The following STBD1 variants were observed in gnomAD, a reference collection of about 807,000 sequenced individuals.
STBD1 encodes the protein starch binding domain 1.
A neutral mutation model predicts 10.5 loss-of-function variants in STBD1; 13 were observed. The ratio of observed to expected loss-of-function variants is 1.24; its 90% CI spans 0.81 to 1.97. STBD1 has a LOEUF of 1.97. Among genes scored for constraint, STBD1 ranks in the 30% most tolerant of loss-of-function variants. The probability of loss-of-function intolerance (pLI) is 0.00; values close to 1 mark genes in which losing one functional copy is unlikely to be tolerated. For synonymous variants in STBD1, 146 were observed against 160.2 expected, an observed-to-expected ratio of 0.91 and a Z score of 0.67; for missense variants, 427 against 435.6, an observed-to-expected ratio of 0.98 and a Z score of 0.17.
Position 76,309,467 on chromosome 4 carries a change from A to G in STBD1, c.544A>G (p.Arg182Gly), listed in dbSNP as rs146935160. The change falls in exon 2 of 2, where the codon AGA becomes GGA. Residue 182 changes from arginine to glycine, a missense_variant. Arg to Gly is a moderately radical substitution (Grantham distance 125). Transcript: ENST00000237642. ...KLPSSNLLKN[R>G]AKEEMSLSDL... ...GCCTTCTAGCAACCTGCTCAAGAAC[A>G]GAGCTAAAGAAGAAATGAGCCTCTC... 47 of 1,614,276 alleles carry G rather than the reference A, an allele frequency of 2.9e-5. No individual in the cohort carries two copies. Among genetic ancestry groups the G allele is most frequent in the Non-Finnish European group, 3.8e-5 (45 of 1,180,048 alleles).
Position 76,310,018 on chromosome 4 carries a change from T to C in STBD1, c.*18T>C. On this transcript the variant is annotated 3_prime_UTR_variant, in exon 2 of 2. Transcript: ENST00000237642. ...TTCACTGATTCAGTTTGCAAAGTAA[T>C]GGAGAAGCTGTAGAACAATGTGGAA... The C allele has an allele frequency of 1.9e-6, 3 of 1,595,914 alleles. No individual in the cohort carries two copies. The highest frequency in any genetic ancestry group is 2.6e-6 in the Non-Finnish European group (3 of 1,173,314).
chr4:76,311,110 A>G lies in STBD1; in HGVS notation c.*1110A>G, dbSNP rs2110044838. 1 of 152,348 alleles carries G rather than the reference A, an allele frequency of 6.6e-6. No homozygotes were observed. Among genetic ancestry groups the G allele is most frequent in the East Asian group, 1.9e-4 (1 of 5,190 alleles). The allele number at this position is 152,348 out of a possible 1,614,324, so 9.4% of individuals were successfully genotyped here. A position where few individuals can be genotyped will look rare whatever the true frequency, so the allele number is the denominator to read the frequency against. The stretch of plus-strand genomic sequence containing the variant: ...TTATTATAACTGAACAAATAATAAA[A>G]CCTGAATTTTAATATCTTCATTTGA... On this transcript the variant is annotated 3_prime_UTR_variant, in exon 2 of 2. Coordinates refer to ENST00000237642, the MANE Select transcript of STBD1 (RefSeq NM_003943.5).
At position 76,310,145 on chromosome 4, in the gene STBD1, G is replaced by T. The variant is rs1036156394; in HGVS notation, c.*145G>T. On this transcript the variant is annotated 3_prime_UTR_variant, in exon 2 of 2. Coordinates refer to ENST00000237642, the MANE Select transcript of STBD1 (RefSeq NM_003943.5). Reference sequence around the variant, plus strand: ...TTTGCTAGTGGATTTTGTCTAATGTGCAGAAATATATATGTCTAATGTGCA... The same window carrying T: ...TTTGCTAGTGGATTTTGTCTAATGTTCAGAAATATATATGTCTAATGTGCA... 1.0e-6 allele frequency: 1 copy of T among 977,154 alleles called. No individual in the cohort carries two copies. The highest frequency in any genetic ancestry group is 1.5e-6 in the Non-Finnish European group (1 of 664,106). 60.5% of individuals were successfully genotyped at this position (977,154 alleles called of 1,614,324 possible).
At position 76,306,779 on chromosome 4, in the gene STBD1, G is replaced by A. The variant is rs748442882; in HGVS notation, c.10G>A (p.Val4Ile). 3.1e-6 allele frequency: 5 copies of A among 1,611,422 alleles called. No individual in the cohort carries two copies. Among genetic ancestry groups the A allele is most frequent in the Admixed American group, 1.7e-5 (1 of 59,952 alleles). MGA[V>I]WSALLVGGGL... ...CCGCGGCCTCTCAGCCATGGGCGCC[G>A]TCTGGTCCGCCCTGCTGGTTGGAGG... Residue 4 changes from valine (V) to isoleucine (I), a missense_variant, in exon 1 of 2, where the codon GTC (valine) becomes ATC (isoleucine). Physicochemically the swap from Val to Ile is conservative, Grantham distance 29. Transcript: ENST00000237642.
rs759385566 is a variant in STBD1, at chr4:76,309,991, G to A, written c.1068G>A (p.Gly356=). The part of the protein sequence containing the change: ...HEDKVVHAWW[G]IH ...ATAAAGTGGTTCACGCATGGTGGGGGATTCACTGATTCAGTTTGCAAAGTA... is the reference window on the plus strand; with the variant it reads ...ATAAAGTGGTTCACGCATGGTGGGGAATTCACTGATTCAGTTTGCAAAGTA... Residue 356 remains glycine (G), a synonymous_variant, in exon 2 of 2, where the codon GGG becomes GGA. Transcript: ENST00000237642. 1.9e-6 allele frequency: 3 copies of A among 1,608,058 alleles called. No homozygotes were observed. The South Asian group carries it at 3.3e-5, about 18-fold the overall frequency.
chr4:76,309,396 G>A lies in STBD1; in HGVS notation c.473G>A (p.Gly158Glu). The change falls in exon 2 of 2, where the codon GGA (glycine) becomes GAA (glutamate). Residue 158 changes from glycine (G) to glutamate (E), a missense_variant. Physicochemically the swap from Gly to Glu is moderately conservative, Grantham distance 98. Transcript: ENST00000237642. ...ATGGGAGAATGGGGATTCCAAAAAGGACAAGAGATATCTGCTAAAGCAGCT... is the reference window on the plus strand; with the variant it reads ...ATGGGAGAATGGGGATTCCAAAAAGAACAAGAGATATCTGCTAAAGCAGCT... ...SPMGEWGFQK[G>E]QEISAKAATC... 1.2e-6 allele frequency: 2 copies of A among 1,613,980 alleles called. No homozygotes were observed. The highest frequency in any genetic ancestry group is 2.7e-5 in the African/African-American group (2 of 75,030).
Position 76,309,629 on chromosome 4 carries a change from AG to A in STBD1, c.707del (p.Arg236LysfsTer19), listed in dbSNP as rs756054965. ...CCTAAACCAGGGAATGGACAATGGA[AG>A]AAGCACTTTGGTGGAAGCAAGAGGT... ...LNLNQGMDNGRSTLVEARGQQ... is the reference protein window; with the variant it reads ...LNLNQGMDNGXSTLVEARGQQ... On this transcript the variant is annotated frameshift_variant, in exon 2 of 2. Coordinates refer to ENST00000237642, the MANE Select transcript of STBD1 (RefSeq NM_003943.5). LOFTEE classifies it low-confidence loss of function (END_TRUNC). The A allele has an allele frequency of 1.1e-5, 18 of 1,614,160 alleles. No individual in the cohort carries two copies. Among genetic ancestry groups the A allele is most frequent in the Non-Finnish European group, 1.5e-5 (18 of 1,180,058 alleles).
Position 76,310,337 on chromosome 4 carries a change from T to C in STBD1, c.*337T>C. On this transcript the variant is annotated 3_prime_UTR_variant, in exon 2 of 2. Transcript: ENST00000237642. ...GGGAGTGACTTGGCTAAGCTTCAGG[T>C]GTAAACTGTGGTCACGGAGCAAAAA... 1 of 235,158 alleles carries C rather than the reference T, an allele frequency of 4.3e-6. No individual in the cohort carries two copies. The highest frequency in any genetic ancestry group is 9.9e-5 in the East Asian group (1 of 10,088). 14.6% of individuals were successfully genotyped at this position (235,158 alleles called of 1,614,324 possible).
At position 76,308,822 on chromosome 4, in the gene STBD1, G is replaced by C. The variant is rs535450067; in HGVS notation, c.221-322G>C. Among the ~76,000 whole-genome samples, 30 of 152,382 alleles carry C rather than the reference G, an allele frequency of 2.0e-4. No homozygotes were observed. In the South Asian group the frequency reaches 5.4e-3, roughly 27 times the overall value. ...AGCAACTTAACTTGGCTGCATGCCA[G>C]TATGGCCTGGACTGTGGAGACTGGG... On this transcript the variant is annotated intron_variant, in intron 1 of 1. Coordinates refer to ENST00000237642, the MANE Select transcript of STBD1 (RefSeq NM_003943.5).
rs1026775280 is a variant in STBD1 at position 76,309,473 on chromosome 4, A to G, written c.550A>G (p.Lys184Glu). 6.2e-7 allele frequency: 1 copy of G among 1,614,264 alleles called. No individual in the cohort carries two copies. Among genetic ancestry groups the G allele is most frequent in the Non-Finnish European group, 8.5e-7 (1 of 1,180,038 alleles). Residue 184 changes from lysine to glutamate, a missense_variant, in exon 2 of 2, where the codon AAA (lysine) becomes GAA (glutamate). Transcript: ENST00000237642. ...PSSNLLKNRA[K>E]EEMSLSDLNS... ...TAGCAACCTGCTCAAGAACAGAGCT[A>G]AAGAAGAAATGAGCCTCTCTGATTT...
At position 76,309,209 on chromosome 4, in the gene STBD1, G is replaced by A; in HGVS notation, c.286G>A (p.Ala96Thr). 1 of 1,613,226 alleles carries A rather than the reference G, an allele frequency of 6.2e-7. No individual in the cohort carries two copies. The highest frequency in any genetic ancestry group is 8.5e-7 in the Non-Finnish European group (1 of 1,179,860). ...CAAAGACCTTGGTAAACTGCAAGCA[G>A]CATCATGGAGATTGCAGAATCCTTC... is the stretch of plus-strand genomic sequence containing the variant. ...KTKDLGKLQA[A>T]SWRLQNPSRE... The change falls in exon 2 of 2, where the codon GCA becomes ACA. Residue 96 changes from alanine to threonine, a missense_variant. Physicochemically the swap from Ala to Thr is moderately conservative, Grantham distance 58. Coordinates refer to ENST00000237642, the MANE Select transcript of STBD1 (RefSeq NM_003943.5).
At position 76,309,921 on chromosome 4, in the gene STBD1, G is replaced by A. The variant is rs140083759; in HGVS notation, c.998G>A (p.Arg333His). Residue 333 changes from arginine to histidine, a missense_variant, in exon 2 of 2, where the codon CGC (arginine) becomes CAC (histidine). Transcript: ENST00000237642. ...FVLVENGGVT[R>H]WEECSNRFLE... Reference sequence around the variant, plus strand: ...TTGGTAGAGAATGGGGGAGTTACCCGCTGGGAAGAATGCAGCAATAGATTC... The same window carrying A: ...TTGGTAGAGAATGGGGGAGTTACCCACTGGGAAGAATGCAGCAATAGATTC... 1.6e-4 allele frequency: 252 copies of A among 1,614,096 alleles called. No individual in the cohort carries two copies. In the Middle Eastern group the frequency reaches 5.6e-3, roughly 36 times the overall value.
Position 76,310,121 on chromosome 4 carries a change from T to G in STBD1, c.*121T>G. The G allele has an allele frequency of 7.3e-7, 1 of 1,370,568 alleles. No individual in the cohort carries two copies. Among genetic ancestry groups the G allele is most frequent in the Non-Finnish European group, 9.8e-7 (1 of 1,015,954 alleles). 84.9% of individuals were successfully genotyped at this position (1,370,568 alleles called of 1,614,324 possible). A position where few individuals can be genotyped will look rare whatever the true frequency, so the allele number is the denominator to read the frequency against. Reference sequence around the variant, plus strand: ...ATTCAGCCATCTGAATTGTTTAAATTTGCTAGTGGATTTTGTCTAATGTGC... The same window carrying G: ...ATTCAGCCATCTGAATTGTTTAAATGTGCTAGTGGATTTTGTCTAATGTGC... On this transcript the variant is annotated 3_prime_UTR_variant, in exon 2 of 2. Coordinates refer to ENST00000237642, the MANE Select transcript of STBD1 (RefSeq NM_003943.5).
At position 76,309,944 on chromosome 4, in the gene STBD1, T is replaced by G. The variant is rs1718897199; in HGVS notation, c.1021T>G (p.Phe341Val). 1 of 1,613,904 alleles carries G rather than the reference T, an allele frequency of 6.2e-7. No homozygotes were observed. The highest frequency in any genetic ancestry group is 1.3e-5 in the African/African-American group (1 of 75,016). ...VTRWEECSNR[F>V]LETGHEDKVV... ...CCGCTGGGAAGAATGCAGCAATAGA[T>G]TCCTAGAAACTGGCCATGAGGATAA... The change falls in exon 2 of 2, where the codon TTC becomes GTC. Residue 341 changes from phenylalanine to valine, a missense_variant. Coordinates refer to ENST00000237642, the MANE Select transcript of STBD1 (RefSeq NM_003943.5).
intron 1 of STBD1, among the ~76,000 whole-genome samples, chr4:76,307,361 A>T (rs1008869540): frequency 6.6e-6 from 1 of 152,070 alleles, no homozygotes; most frequent in African/African-American, 2.4e-5. Flanking sequence ...GGTTTAGGGG[A>T]TCCTACAAGC....
At position 76,309,379 on chromosome 4, in the gene STBD1, A is replaced by G. The variant is rs1376565109; in HGVS notation, c.456A>G (p.Glu152=). 2.5e-6 allele frequency: 4 copies of G among 1,613,492 alleles called. No homozygotes were observed. Among genetic ancestry groups the G allele is most frequent in the East Asian group, 2.2e-5 (1 of 44,880 alleles). Residue 152 remains glutamate, a synonymous_variant, in exon 2 of 2, where the codon GAA becomes GAG. Transcript: ENST00000237642. The stretch of plus-strand genomic sequence containing the variant: ...AAAGCCTTGAATCTCCTATGGGAGA[A>G]TGGGGATTCCAAAAAGGACAAGAGA... ...RNESLESPMG[E]WGFQKGQEIS... is the part of the protein sequence containing the mutation.
rs1718871472 is a variant in STBD1, at chr4:76,309,290, A to G, written c.367A>G (p.Thr123Ala). 6.2e-7 allele frequency: 1 copy of G among 1,614,054 alleles called. No individual in the cohort carries two copies. Among genetic ancestry groups the G allele is most frequent in the Non-Finnish European group, 8.5e-7 (1 of 1,180,048 alleles). ...EHVPSGQFPD[T>A]EAPATSETSN... ...TGTTCCTTCTGGACAGTTTCCAGAC[A>G]CAGAAGCTCCAGCTACCTCTGAGAC... Residue 123 changes from threonine (T) to alanine (A), a missense_variant, in exon 2 of 2, where the codon ACA (threonine) becomes GCA (alanine). Thr to Ala is a moderately conservative substitution (Grantham distance 58). Transcript: ENST00000237642.
Position 76,309,256 on chromosome 4 carries a change from A to G in STBD1, c.333A>G (p.Ser111=), listed in dbSNP as rs1433349101. 6.2e-7 allele frequency: 1 copy of G among 1,614,196 alleles called. No individual in the cohort carries two copies. The highest frequency in any genetic ancestry group is 2.2e-5 in the East Asian group (1 of 44,888). ...CTTCCAGGGAAGTCTGTGACAATTC[A>G]AGAGAACATGTTCCTTCTGGACAGT... is the stretch of plus-strand genomic sequence containing the variant. The part of the protein sequence containing the change: ...QNPSREVCDN[S]REHVPSGQFP... Residue 111 remains serine, a synonymous_variant, in exon 2 of 2, where the codon TCA becomes TCG. Coordinates refer to ENST00000237642, the MANE Select transcript of STBD1 (RefSeq NM_003943.5).
Position 76,310,018 on chromosome 4 carries a change from TG to T in STBD1, c.*20del, listed in dbSNP as rs1718900069. 6.3e-7 allele frequency: 1 copy of T among 1,595,796 alleles called. No homozygotes were observed. Among genetic ancestry groups the T allele is most frequent in the South Asian group, 1.1e-5 (1 of 89,196 alleles). ...TTCACTGATTCAGTTTGCAAAGTAA[TG>T]GAGAAGCTGTAGAACAATGTGGAAG... On this transcript the variant is annotated 3_prime_UTR_variant, in exon 2 of 2. Coordinates refer to ENST00000237642, the MANE Select transcript of STBD1 (RefSeq NM_003943.5).
Sources: gnomAD v4.1 joint callset for allele counts (sites outside exome capture counted in the v4.1 genomes callset) on GRCh38, gnomAD v4.1.1 for gene constraint, MANE v1.5 for transcripts, NCBI Gene and HGNC (gene_info 2026-07-23, HGNC 2026-07-21) for gene names.